NCEH1: variants seen among roughly 807,000 people sequenced by gnomAD.
NCEH1 encodes the protein neutral cholesterol ester hydrolase 1.
NCEH1 carries 9 observed loss-of-function variants against 25.4 expected under a neutral mutation model. That is an observed-to-expected ratio of 0.35 (90% CI 0.21 to 0.62). NCEH1 has a LOEUF of 0.62. NCEH1 is among the 20% of genes least tolerant of loss of function. NCEH1 has a pLI of 0.72. For missense variants in NCEH1, 412 were observed against 501.1 expected (o/e 0.82, Z 1.70); for synonymous variants, 200 against 199.8 (o/e 1.00, Z -0.01).
chr3:172,662,891 G>A (rs1560190960), intron 1 of NCEH1, among the ~76,000 whole-genome samples: 1 of 145,254 alleles, frequency 6.9e-6, no homozygotes, highest in Non-Finnish European at 1.6e-5. Context: ...TATCAATTTT[G>A]TTGATCCTTT....
chr3:172,702,821 TA>T (rs1333554562), intron 1 of NCEH1, among the ~76,000 whole-genome samples: 4 of 151,318 alleles, frequency 2.6e-5, no homozygotes, highest in Non-Finnish European at 5.9e-5. Context: ...TTGTCTCTCC[TA>T]AAAAATAAAA....
At chr3:172,651,009 T>G (rs1184010941) in intron 1 of NCEH1, among the ~76,000 whole-genome samples, 1 of 152,106 alleles carries the variant, frequency 6.6e-6, no homozygotes, top group Non-Finnish European at 1.5e-5. Flanking sequence ...ACTTGAAAAT[T>G]GATATGAACA....
rs554213548 is a variant in NCEH1, at chr3:172,664,139, T to C, written c.139-16025A>G. 8.5e-5 allele frequency among the ~76,000 whole-genome samples: 13 copies of C among 152,360 alleles called. 1 individual carries two copies. Among genetic ancestry groups the C allele is most frequent in the Admixed American group, 7.8e-4 (12 of 15,312 alleles). On this transcript the variant is annotated intron_variant, in intron 1 of 4. Transcript: ENST00000475381. ...GTTTAGTGCTTCCTTCAGGAGCTCT[T>C]GTAAGGCAGGCCTACTGGTGACAAA...
At chr3:172,674,443 C>CAAAAAAAAA (rs146923940) in intron 1 of NCEH1, among the ~76,000 whole-genome samples, 1 of 71,038 alleles carries the variant, frequency 1.4e-5, no homozygotes, top group Non-Finnish European at 3.0e-5. Flanking sequence ...ACTCTGTCTC[C>CAAAAAAAAA]AAAAAAAAAA....
chr3:172,653,736 T>TTTTTG (rs1157125569), intron 1 of NCEH1, among the ~76,000 whole-genome samples: 8 of 36,598 alleles, frequency 2.2e-4, no homozygotes, highest in African/African-American at 5.2e-4. Context: ...TGTTGTTCTG[T>TTTTTG]TTTTTTTGTT....
At chr3:172,688,750 T>C (rs914630299) in intron 1 of NCEH1, among the ~76,000 whole-genome samples, 2 of 152,122 alleles carry the variant, frequency 1.3e-5, no homozygotes, top group Non-Finnish European at 2.9e-5. Context: ...AGTGTTACGA[T>C]AGGTGTCCAG....
intron 1 of NCEH1, among the ~76,000 whole-genome samples, chr3:172,667,316 G>C (rs1438036944): frequency 6.6e-6 from 1 of 152,208 alleles, no homozygotes; most frequent in Non-Finnish European, 1.5e-5. Flanking sequence ...ATTTTTCTAG[G>C]AGTAAATGCT....
At chr3:172,680,081 G>A (rs140094982) in intron 1 of NCEH1, among the ~76,000 whole-genome samples, 62 of 152,302 alleles carry the variant, frequency 4.1e-4, no homozygotes, top group Non-Finnish European at 7.6e-4. Flanking sequence ...CTAACTCCGC[G>A]TACTGAGTTA....
At chr3:172,671,528 C>CACACACACACAT (rs145129202) in intron 1 of NCEH1, among the ~76,000 whole-genome samples, 23,873 of 136,642 alleles carry the variant, frequency 0.17, 2,031 homozygotes, top group Non-Finnish European at 0.22. Flanking sequence ...CACACACACA[C>CACACACACACAT]ATATATAGAT....
At chr3:172,695,097 G>A (rs651165) in intron 1 of NCEH1, among the ~76,000 whole-genome samples, 25,151 of 152,134 alleles carry the variant, frequency 0.17, 2,480 homozygotes, top group Non-Finnish European at 0.22. Context: ...AGACACCTAT[G>A]TTTCATAACT....
At chr3:172,638,226 T>A (rs1410565082) in intron 3 of NCEH1, among the ~76,000 whole-genome samples, 3 of 121,516 alleles carry the variant, frequency 2.5e-5, no homozygotes, top group Non-Finnish European at 4.8e-5. Flanking sequence ...TGCAGTGAGC[T>A]GAGATCGCGC....
chr3:172,675,315 A>AATTAATTAATTAATT (rs1553835579), intron 1 of NCEH1, among the ~76,000 whole-genome samples: 4 of 134,544 alleles, frequency 3.0e-5, no homozygotes, highest in African/African-American at 1.3e-4. Flanking sequence ...ATAAATAAAT[A>AATTAATTAATTAATT]AATAAATAAA....
chr3:172,673,309 T>C (rs997106374), intron 1 of NCEH1, among the ~76,000 whole-genome samples: 9 of 152,148 alleles, frequency 5.9e-5, no homozygotes, highest in Admixed American at 1.3e-4. Flanking sequence ...CCCCACATAA[T>C]GTGGCAGGAT....
At position 172,631,498 on chromosome 3, in the gene NCEH1, C is replaced by A. The variant is rs1191556479; in HGVS notation, c.*1977G>T. The A allele has an allele frequency of 6.6e-6, 1 of 152,396 alleles. No homozygotes were observed. The highest frequency in any genetic ancestry group is 2.4e-5 in the African/African-American group (1 of 41,356). The allele number at this position is 152,396 out of a possible 1,614,324, so 9.4% of individuals were successfully genotyped here. ...AGGCCAATATAATTTGCCAGTCTGA[C>A]AAGACAGTTGGTATTATAAGTGGAA... On this transcript the variant is annotated 3_prime_UTR_variant, in exon 5 of 5. Transcript: ENST00000475381.
intron 1 of NCEH1, among the ~76,000 whole-genome samples, chr3:172,653,443 G>A (rs1487495725): frequency 1.3e-5 from 2 of 152,196 alleles, no homozygotes; most frequent in Non-Finnish European, 2.9e-5. Flanking sequence ...CTTTGTAGGG[G>A]AGAAAGAGAA....
chr3:172,665,331 T>C (rs1264344596), intron 1 of NCEH1, among the ~76,000 whole-genome samples: 3 of 152,220 alleles, frequency 2.0e-5, no homozygotes, highest in Non-Finnish European at 2.9e-5. Flanking sequence ...TAAATGTTGC[T>C]GCCTGATCCT....
intron 2 of NCEH1, among the ~76,000 whole-genome samples, chr3:172,647,217 T>C (rs1037044970): frequency 1.3e-5 from 2 of 152,196 alleles, no homozygotes; most frequent in Admixed American, 6.5e-5. Flanking sequence ...AGTAGCTCCA[T>C]GATCATTTAT....
chr3:172,696,754 A>G (rs1560207876), intron 1 of NCEH1, among the ~76,000 whole-genome samples: 1 of 152,168 alleles, frequency 6.6e-6, no homozygotes, highest in Admixed American at 6.5e-5. Flanking sequence ...TGTTTTGTGA[A>G]ATAAGAGATC....
At chr3:172,708,683 C>G (rs1175705236) in intron 1 of NCEH1, among the ~76,000 whole-genome samples, 1 of 152,172 alleles carries the variant, frequency 6.6e-6, no homozygotes, top group Admixed American at 6.5e-5. Context: ...AGTAGTAGCA[C>G]TCCAGGTTTC....
Sources: allele counts gnomAD v4.1 joint callset (sites outside exome capture counted in the v4.1 genomes callset), GRCh38; gene constraint gnomAD v4.1.1; transcripts MANE v1.5; gene names NCBI Gene and HGNC (gene_info 2026-07-23, HGNC 2026-07-21).